Variants in WDR49 observed in about 807,000 individuals in gnomAD.
WDR49 encodes the protein cilia- and flagella-associated protein 337.
In WDR49, 107 loss-of-function variants were observed where a neutral mutation model predicts 119.5. That is an observed-to-expected ratio of 0.90 (90% CI 0.77 to 1.05). The LOEUF (loss-of-function observed/expected upper bound fraction) is 1.05. Among genes scored for constraint, WDR49 ranks in the 50% least tolerant of loss-of-function variants. The pLI is 0.00. For synonymous variants in WDR49, 425 were observed against 418.8 expected (o/e 1.01, Z -0.18); for missense variants, 1,240 against 1,220.5 (o/e 1.02, Z -0.24).
At chr3:167,593,940 C>A (rs908995132) in intron 7 of WDR49, among the ~76,000 whole-genome samples, 1 of 152,156 alleles carries the variant, frequency 6.6e-6, no homozygotes, top group African/African-American at 2.4e-5. Context: ...TTCTGCCTCT[C>A]CTGCTACCAT....
chr3:167,527,428 A>G (rs1752675675), intron 15 of WDR49, among the ~76,000 whole-genome samples: 1 of 152,046 alleles, frequency 6.6e-6, no homozygotes, highest in African/African-American at 2.4e-5. Flanking sequence ...TTTTTCTAAA[A>G]TTTTCTGCAT....
chr3:167,480,784 G>A (rs1423416695), intron 18 of WDR49, among the ~76,000 whole-genome samples: 1 of 152,172 alleles, frequency 6.6e-6, no homozygotes, highest in Non-Finnish European at 1.5e-5. Flanking sequence ...ATCTTAGAAT[G>A]TGCTGGGAAA....
intron 2 of WDR49, chr3:167,633,328 A>G (rs1247520414): frequency 2.5e-6 from 1 of 396,946 alleles, no homozygotes; most frequent in Non-Finnish European, 5.0e-6. Context: ...AGAAACAACT[A>G]TTCAAACTGT....
intron 18 of WDR49, among the ~76,000 whole-genome samples, chr3:167,487,541 A>G (rs185573796): frequency 1.6e-4 from 25 of 152,280 alleles, no homozygotes; most frequent in Non-Finnish European, 2.8e-4. Context: ...AACCTAATTA[A>G]ATAAAAAAGC....
intron 7 of WDR49, among the ~76,000 whole-genome samples, chr3:167,597,441 G>A (rs1206583119): frequency 6.6e-6 from 1 of 152,150 alleles, no homozygotes; most frequent in Admixed American, 6.5e-5. Flanking sequence ...CAGTTCAGAG[G>A]GGAAATGTGG....
intron 15 of WDR49, 27 bp from the exon 16 acceptor site, chr3:167,522,511 AT>A (rs1560266794): frequency 6.3e-7 from 1 of 1,577,042 alleles, no homozygotes; most frequent in Non-Finnish European, 8.5e-7. Flanking sequence ...CATCTGTTTT[AT>A]TTTTATGAAA....
chr3:167,612,748 A>G (rs1225291279), intron 5 of WDR49, among the ~76,000 whole-genome samples: 1 of 152,108 alleles, frequency 6.6e-6, no homozygotes, highest in African/African-American at 2.4e-5. Context: ...CATACAACCC[A>G]CCAAGACTGA....
chr3:167,508,885 TTATC>T (rs1303230377), intron 16 of WDR49, among the ~76,000 whole-genome samples: 2 of 152,212 alleles, frequency 1.3e-5, no homozygotes, highest in African/African-American at 4.8e-5. Flanking sequence ...TTATAGCTAT[TTATC>T]TATTTTCTAA....
rs759468547 is a variant in WDR49 at position 167,531,128 on chromosome 3, G to A, written c.2205C>T (p.Asn735=). The change falls in exon 13 of 19, where the codon AAC becomes AAT. Residue 735 remains asparagine, a synonymous_variant. Coordinates refer to ENST00000682715, the MANE Select transcript of WDR49 (RefSeq NM_001366157.1). ...MRLCFLKARK[N]TAVTGGANLV... is the part of the protein sequence containing the mutation. ...TATATATTTTACCTGTCACTGCAGT[G>A]TTTTTTCTTGCTTTAAGAAAGCAAA... The A allele has an allele frequency of 2.5e-6, 4 of 1,611,554 alleles. No individual in the cohort carries two copies. Among genetic ancestry groups the A allele is most frequent in the Non-Finnish European group, 3.4e-6 (4 of 1,179,182 alleles).
At chr3:167,486,449 C>G (rs1410564599) in intron 18 of WDR49, among the ~76,000 whole-genome samples, 1 of 152,000 alleles carries the variant, frequency 6.6e-6, no homozygotes, top group Non-Finnish European at 1.5e-5. Context: ...ACTTAAAAGA[C>G]ATAAGGCGGC....
At chr3:167,563,790 A>G (rs1713422330) in intron 8 of WDR49, among the ~76,000 whole-genome samples, 1 of 152,202 alleles carries the variant, frequency 6.6e-6, no homozygotes, top group Non-Finnish European at 1.5e-5. Flanking sequence ...CTGAAAATAC[A>G]CAAGAAGTTG....
At chr3:167,553,418 T>A (rs1712696905) in intron 10 of WDR49, among the ~76,000 whole-genome samples, 1 of 152,152 alleles carries the variant, frequency 6.6e-6, no homozygotes, top group Admixed American at 6.6e-5. Context: ...CTACATCTAA[T>A]CTTTCTAATT....
intron 2 of WDR49, 61 bp downstream of exon 2, chr3:167,653,200 T>C: frequency 3.3e-6 from 5 of 1,506,606 alleles, no homozygotes; most frequent in Non-Finnish European, 4.5e-6. Flanking sequence ...TATCTCTGTG[T>C]TTCATTCTAG....
upstream of WDR49, among the ~76,000 whole-genome samples, chr3:167,655,065 G>T (rs925540151): frequency 2.0e-5 from 3 of 152,146 alleles, no homozygotes; most frequent in Admixed American, 6.5e-5. Flanking sequence ...AAGGAAAGAG[G>T]TTTAATTGAC....
intron 8 of WDR49, among the ~76,000 whole-genome samples, chr3:167,573,023 A>T (rs1714025213): frequency 6.6e-6 from 1 of 152,166 alleles, no homozygotes; most frequent in Admixed American, 6.6e-5. Flanking sequence ...TAAAATAAAG[A>T]TTAAGGAATC....
At chr3:167,607,155 T>G (rs1049018266) in intron 5 of WDR49, among the ~76,000 whole-genome samples, 2 of 152,234 alleles carry the variant, frequency 1.3e-5, no homozygotes, top group Non-Finnish European at 2.9e-5. Context: ...TTCCATTCCT[T>G]TATGGTCAGG....
At chr3:167,554,544 A>T in intron 10 of WDR49, 106 bp downstream of exon 10, 1 of 604,426 alleles carries the variant, frequency 1.7e-6, no homozygotes, top group Non-Finnish European at 2.8e-6. Context: ...CTAGGGTATC[A>T]CTCACCTAGG....
Position 167,653,477 on chromosome 3 carries a change from C to A in WDR49, c.-52G>T. 7.0e-7 allele frequency: 1 copy of A among 1,419,572 alleles called. No homozygotes were observed. The highest frequency in any genetic ancestry group is 2.6e-5 in the East Asian group (1 of 38,410). 87.9% of individuals were successfully genotyped at this position (1,419,572 alleles called of 1,614,324 possible). A position where few individuals can be genotyped will look rare whatever the true frequency, so the allele number is the denominator to read the frequency against. On this transcript the variant is annotated 5_prime_UTR_variant, in exon 2 of 19. Coordinates refer to ENST00000682715, the MANE Select transcript of WDR49 (RefSeq NM_001366157.1). Reference sequence around the variant, plus strand: ...TTCAACTATTTCTATAAGGATGGATCTTCTTTTTCCTTCAACAGGTGCCTT... The same window carrying A: ...TTCAACTATTTCTATAAGGATGGATATTCTTTTTCCTTCAACAGGTGCCTT...
At chr3:167,648,814 C>G (rs1718243040) in intron 2 of WDR49, among the ~76,000 whole-genome samples, 1 of 152,100 alleles carries the variant, frequency 6.6e-6, no homozygotes, top group African/African-American at 2.4e-5. Flanking sequence ...AGACCTGAAT[C>G]CTTGCTTGCA....
Sources: gnomAD v4.1 joint callset for allele counts (sites outside exome capture counted in the v4.1 genomes callset) on GRCh38, gnomAD v4.1.1 for gene constraint, MANE v1.5 for transcripts, NCBI Gene and HGNC (gene_info 2026-07-23, HGNC 2026-07-21) for gene names.